DRC11: variants seen among roughly 807,000 people sequenced by gnomAD.
DRC11 encodes dynein regulatory complex subunit 11.
the DRC11 span, chr2:236,507,121 A>C: frequency 4.9e-6 from 4 of 817,742 alleles, no homozygotes; most frequent in African/African-American, 3.5e-5. Context: ...AAAAGGAAAA[A>C]AAGTGGGGGA....
chr2:236,465,022 C>T, the DRC11 span, among the ~76,000 whole-genome samples: 1 of 152,122 alleles, frequency 6.6e-6, no homozygotes, highest in Admixed American at 6.5e-5. This position sits in a 1 kb window ranked among gnomAD's most constrained non-coding sequence, Gnocchi z 6.2. Flanking sequence ...ATTATCCAGC[C>T]TCAGATATTT....
At chr2:236,475,804 C>G in the DRC11 span, among the ~76,000 whole-genome samples, 2 of 152,156 alleles carry the variant, frequency 1.3e-5, no homozygotes, top group Non-Finnish European at 2.9e-5. This position sits in a 1 kb window ranked among gnomAD's most constrained non-coding sequence, Gnocchi z 4.8. Context: ...TCCAGTTTTT[C>G]TAGCATCATT....
the DRC11 span, among the ~76,000 whole-genome samples, chr2:236,440,069 T>C: frequency 6.6e-6 from 1 of 152,196 alleles, no homozygotes; most frequent in Non-Finnish European, 1.5e-5. Context: ...TGTTTATATA[T>C]GCAAATTAAA....
At chr2:236,453,553 C>T in the DRC11 span, among the ~76,000 whole-genome samples, 2 of 152,198 alleles carry the variant, frequency 1.3e-5, no homozygotes, top group Non-Finnish European at 2.9e-5. The surrounding 1 kb of genome is among the most constrained non-coding windows in gnomAD (Gnocchi z 4.9). Flanking sequence ...AATATGACTC[C>T]CAAGTCCTCT....
the DRC11 span, among the ~76,000 whole-genome samples, chr2:236,466,431 T>C: frequency 6.6e-6 from 1 of 152,204 alleles, no homozygotes. Flanking sequence ...CATTAGTCCA[T>C]TTTTGCACTG....
chr2:236,368,280 G>T, the DRC11 span: 1 of 1,601,772 alleles, frequency 6.2e-7, no homozygotes, highest in Non-Finnish European at 8.5e-7. Context: ...GCGAAGAGTA[G>T]TCCCCAGGTA....
the DRC11 span, among the ~76,000 whole-genome samples, chr2:236,507,071 A>G: frequency 3.9e-5 from 6 of 152,284 alleles, no homozygotes; most frequent in African/African-American, 1.4e-4. Context: ...CTTGCTCACA[A>G]GAAGCAGATA....
the DRC11 span, chr2:236,419,226 T>A: frequency 6.5e-7 from 1 of 1,545,628 alleles, no homozygotes; most frequent in East Asian, 2.4e-5. The surrounding 1 kb of genome is among the most constrained non-coding windows in gnomAD (Gnocchi z 4.8). Flanking sequence ...TTCTTCTTTT[T>A]GTTTTTTTCT....
chr2:236,424,644 G>T, the DRC11 span, among the ~76,000 whole-genome samples: 1 of 150,266 alleles, frequency 6.7e-6, no homozygotes, highest in Admixed American at 6.6e-5. Flanking sequence ...TACATGCTTA[G>T]CATTTTTTGT....
chr2:236,388,040 C>T, the DRC11 span, among the ~76,000 whole-genome samples: 2 of 152,314 alleles, frequency 1.3e-5, no homozygotes, highest in East Asian at 1.9e-4. Flanking sequence ...AGCTGTTAGT[C>T]TGATGGGCTT....
the DRC11 span, among the ~76,000 whole-genome samples, chr2:236,386,797 C>G: frequency 9.4e-5 from 14 of 149,476 alleles, no homozygotes; most frequent in African/African-American, 3.2e-4. Flanking sequence ...CTTGTGGGCA[C>G]TTAGTGCTAT....
chr2:236,324,489 A>AT, the DRC11 span: 13 of 486,160 alleles, frequency 2.7e-5, no homozygotes, highest in Non-Finnish European at 4.5e-5. This position sits in a 1 kb window ranked among gnomAD's most constrained non-coding sequence, Gnocchi z 5.7. Context: ...GGAAAGGCAT[A>AT]ACAGCACATG....
chr2:236,500,118 T>TGATGGC, the DRC11 span, among the ~76,000 whole-genome samples: 563 of 150,458 alleles, frequency 3.7e-3, 5 homozygotes, highest in African/African-American at 0.013. This position sits in a 1 kb window ranked among gnomAD's most constrained non-coding sequence, Gnocchi z 6.3. Context: ...ATGATGATGA[T>TGATGGC]GGCGAAGGTA....
chr2:236,402,482 A>T, the DRC11 span, among the ~76,000 whole-genome samples: 1 of 152,232 alleles, frequency 6.6e-6, no homozygotes, highest in Admixed American at 6.5e-5. This position sits in a 1 kb window ranked among gnomAD's most constrained non-coding sequence, Gnocchi z 6.0. Context: ...GACGCAGGAA[A>T]TGGGATCACA....
At chr2:236,338,217 C>T in the DRC11 span, 11 of 1,613,500 alleles carry the variant, frequency 6.8e-6, no homozygotes, top group Admixed American at 1.5e-4. Flanking sequence ...TATCTGGAAG[C>T]ATAGTCTGGT....
chr2:236,395,769 T>C, the DRC11 span, among the ~76,000 whole-genome samples: 1 of 152,226 alleles, frequency 6.6e-6, no homozygotes, highest in Non-Finnish European at 1.5e-5. Context: ...ATCCCCCTTG[T>C]AGGATTTCTA....
At chr2:236,409,821 G>C in the DRC11 span, among the ~76,000 whole-genome samples, 1 of 152,098 alleles carries the variant, frequency 6.6e-6, no homozygotes, top group Non-Finnish European at 1.5e-5. Context: ...AGCATGAAGG[G>C]TTGCTGAATT....
At chr2:236,316,378 C>T in the DRC11 span, among the ~76,000 whole-genome samples, 3 of 152,048 alleles carry the variant, frequency 2.0e-5, no homozygotes, top group East Asian at 5.8e-4. The surrounding 1 kb of genome is among the most constrained non-coding windows in gnomAD (Gnocchi z 6.8). Flanking sequence ...GGTCAGGCTG[C>T]CCTCAAATTC....
chr2:236,320,281 C>T, the DRC11 span, among the ~76,000 whole-genome samples: 298 of 152,272 alleles, frequency 2.0e-3, 3 homozygotes, highest in African/African-American at 6.7e-3. Context: ...GGCTTCGTTT[C>T]GCATCATCGC....
Sources: gnomAD v4.1 joint callset for allele counts (sites outside exome capture counted in the v4.1 genomes callset) on GRCh38, gnomAD v4.1.1 for gene constraint, Gnocchi (gnomAD v3.1) non-coding constraint, MANE v1.5 for transcripts, NCBI Gene and HGNC (gene_info 2026-07-23, HGNC 2026-07-21) for gene names.